CMTM8: variants seen among roughly 807,000 people sequenced by gnomAD.
CMTM8 encodes the protein CKLF like MARVEL transmembrane domain containing 8, also known as CKLF-like MARVEL transmembrane domain-containing protein 8.
CMTM8 carries 12 observed loss-of-function variants against 18.6 expected under a neutral mutation model. That is an observed-to-expected ratio of 0.65 (90% CI 0.41 to 1.05). The LOEUF (loss-of-function observed/expected upper bound fraction) is 1.05, where lower values mean the gene tolerates loss of function less well. Ranked by LOEUF, CMTM8 falls within the 50% of genes least tolerant of loss-of-function variation. The probability of loss-of-function intolerance (pLI) is 0.00; values close to 1 mark genes in which losing one functional copy is unlikely to be tolerated. For missense variants in CMTM8, 217 were observed against 227.2 expected, an observed-to-expected ratio of 0.95 and a Z score of 0.29; for synonymous variants, 87 against 90.6, an observed-to-expected ratio of 0.96 and a Z score of 0.23.
intron 1 of CMTM8, among the ~76,000 whole-genome samples, chr3:32,287,142 G>C (rs886708061): frequency 6.6e-6 from 1 of 152,206 alleles, no homozygotes; most frequent in Non-Finnish European, 1.5e-5. Context: ...CCATTACAAA[G>C]TTGCTTTGAG....
At chr3:32,302,549 A>G (rs996433411) in intron 1 of CMTM8, among the ~76,000 whole-genome samples, 14 of 152,204 alleles carry the variant, frequency 9.2e-5, no homozygotes, top group African/African-American at 3.4e-4. Flanking sequence ...CCCCCTGACA[A>G]AGCTGGAACA....
At chr3:32,319,074 A>ATATATATATATTTTT in intron 1 of CMTM8, among the ~76,000 whole-genome samples, 8 of 31,526 alleles carry the variant, frequency 2.5e-4, no homozygotes, top group Middle Eastern at 0.026. Context: ...ATATATATAT[A>ATATATATATATTTTT]TTTTTTTTTT....
chr3:32,348,312 G>T (rs996513249), intron 1 of CMTM8, among the ~76,000 whole-genome samples: 9 of 151,870 alleles, frequency 5.9e-5, no homozygotes, highest in Non-Finnish European at 1.3e-4. Flanking sequence ...TTGTTCTCTG[G>T]TGGTTTAAAG....
chr3:32,281,440 A>C (rs946782378), intron 1 of CMTM8, among the ~76,000 whole-genome samples: 1 of 152,108 alleles, frequency 6.6e-6, no homozygotes. Context: ...TAAATGAATA[A>C]AGTACATATA....
chr3:32,351,277 CCAT>C (rs1696701061), intron 1 of CMTM8, among the ~76,000 whole-genome samples: 1 of 152,112 alleles, frequency 6.6e-6, no homozygotes, highest in South Asian at 2.1e-4. Flanking sequence ...TTTCTTTACC[CCAT>C]ATATAGAACT....
chr3:32,283,693 C>T lies in CMTM8; in HGVS notation c.147+44574C>T, dbSNP rs375187788. On this transcript the variant is annotated intron_variant, in intron 1 of 3. Coordinates refer to ENST00000307526, the MANE Select transcript of CMTM8 (RefSeq NM_178868.5). ...AAACAACTTGTTTTTTACATGCACA[C>T]ATACATCCCCTCCCCTCTGTCCCAC... 3.0e-4 allele frequency among the ~76,000 whole-genome samples: 46 copies of T among 152,248 alleles called. 2 individuals carry two copies. In the East Asian group the frequency reaches 3.3e-3, roughly 11 times the overall value.
At chr3:32,342,281 G>A (rs1696513572) in intron 1 of CMTM8, among the ~76,000 whole-genome samples, 1 of 152,102 alleles carries the variant, frequency 6.6e-6, no homozygotes. Flanking sequence ...CTATTTTAGG[G>A]GGCTAGCTGT....
chr3:32,345,883 A>G (rs1326621355), intron 1 of CMTM8, among the ~76,000 whole-genome samples: 1 of 152,186 alleles, frequency 6.6e-6, no homozygotes, highest in Non-Finnish European at 1.5e-5. Flanking sequence ...AGGCAGACAC[A>G]GTGCCTCACA....
At chr3:32,296,792 G>A (rs990629204) in intron 1 of CMTM8, among the ~76,000 whole-genome samples, 37 of 152,218 alleles carry the variant, frequency 2.4e-4, no homozygotes, top group African/African-American at 8.7e-4. Flanking sequence ...TCTCACCCAG[G>A]TTTTCCTCGG....
At chr3:32,259,493 T>G in intron 1 of CMTM8, 1 of 780,188 alleles carries the variant, frequency 1.3e-6, no homozygotes, top group East Asian at 2.4e-5. Context: ...TCATGGGCTC[T>G]TCAAGGTCAT....
At chr3:32,339,824 G>A (rs1696458673) in intron 1 of CMTM8, among the ~76,000 whole-genome samples, 1 of 152,146 alleles carries the variant, frequency 6.6e-6, no homozygotes, top group African/African-American at 2.4e-5. Flanking sequence ...TTAGCCAGGT[G>A]ATGTGGCTGG....
chr3:32,338,799 G>A (rs1264761152), intron 1 of CMTM8, among the ~76,000 whole-genome samples: 2 of 152,224 alleles, frequency 1.3e-5, no homozygotes, highest in Admixed American at 6.5e-5. Flanking sequence ...CTGTACATAA[G>A]GAATTCAGGA....
intron 1 of CMTM8, among the ~76,000 whole-genome samples, chr3:32,339,780 A>G (rs1696457730): frequency 6.6e-6 from 1 of 152,070 alleles, no homozygotes; most frequent in Admixed American, 6.5e-5. Flanking sequence ...TGGCTAACAC[A>G]GAGAAACCCC....
chr3:32,313,196 A>G (rs1695852828), intron 1 of CMTM8, among the ~76,000 whole-genome samples: 1 of 152,040 alleles, frequency 6.6e-6, no homozygotes, highest in Non-Finnish European at 1.5e-5. Context: ...TAAGCCTAAA[A>G]CAGCCTGAAA....
chr3:32,357,576 C>T (rs779210323), intron 2 of CMTM8, 30 bp downstream of exon 2: 109 of 1,609,570 alleles, frequency 6.8e-5, no homozygotes, highest in Non-Finnish European at 9.1e-5. Context: ...TGGTCTTGTC[C>T]AGTGCCCACT....
intron 1 of CMTM8, among the ~76,000 whole-genome samples, chr3:32,267,229 C>T (rs750943096): frequency 1.2e-4 from 18 of 152,168 alleles, no homozygotes; most frequent in Non-Finnish European, 2.2e-4. Context: ...ACCAAAACAG[C>T]ATGATACTGG....
intron 1 of CMTM8, among the ~76,000 whole-genome samples, chr3:32,246,746 T>G (rs1702020612): frequency 6.6e-6 from 1 of 152,216 alleles, no homozygotes; most frequent in African/African-American, 2.4e-5. Context: ...CTGGATGTTC[T>G]TTAGTGTTTT....
chr3:32,316,017 C>CTTTTTTTTT (rs150112865), intron 1 of CMTM8, among the ~76,000 whole-genome samples: 2 of 65,036 alleles, frequency 3.1e-5, no homozygotes, highest in Admixed American at 2.6e-4. Flanking sequence ...GTGATTCCAC[C>CTTTTTTTTT]TTTTTTTTTT....
intron 1 of CMTM8, among the ~76,000 whole-genome samples, chr3:32,349,244 T>C (rs953600536): frequency 6.6e-6 from 1 of 152,144 alleles, no homozygotes; most frequent in Admixed American, 6.6e-5. Flanking sequence ...GCTCTGAGCA[T>C]GTGGATGGGG....
Sources: allele counts gnomAD v4.1 joint callset (sites outside exome capture counted in the v4.1 genomes callset), GRCh38; gene constraint gnomAD v4.1.1; transcripts MANE v1.5; gene names NCBI Gene and HGNC (gene_info 2026-07-23, HGNC 2026-07-21).